Variants in CMKLR1 observed in about 807,000 individuals in gnomAD.
CMKLR1 encodes the protein chemerin-like receptor 1.
CMKLR1 carries 6 observed loss-of-function variants against 8.2 expected under a neutral mutation model. The ratio of observed to expected loss-of-function variants is 0.73; its 90% CI spans 0.40 to 1.44. CMKLR1 has a LOEUF of 1.44. Ranked by LOEUF, CMKLR1 falls within the 40% of genes most tolerant of loss-of-function variation. CMKLR1 has a pLI of 0.02. For missense variants in CMKLR1, 429 were observed against 478.0 expected, an observed-to-expected ratio of 0.90 and a Z score of 0.96; for synonymous variants, 178 against 181.2, an observed-to-expected ratio of 0.98 and a Z score of 0.14.
intron 2 of CMKLR1, among the ~76,000 whole-genome samples, chr12:108,312,501 C>G (rs1265544625): frequency 6.6e-6 from 1 of 152,174 alleles, no homozygotes; most frequent in African/African-American, 2.4e-5. Flanking sequence ...GTCTGGGGCT[C>G]ATGGAATCCA....
Position 108,329,557 on chromosome 12 carries a change from T to C in CMKLR1, c.-74+438A>G, listed in dbSNP as rs1892056446. ...TCAAGCAGGCATAAGTGGGAGGGTA[T>C]TTAACAATAAGCACTTGGTAAAAAT... On this transcript the variant is annotated intron_variant, in intron 2 of 3. Transcript: ENST00000550402. Among the ~76,000 whole-genome samples, 4 of 152,222 alleles carry C rather than the reference T, an allele frequency of 2.6e-5. No individual in the cohort carries two copies. The South Asian group carries it at 8.3e-4, about 32-fold the overall frequency.
At chr12:108,294,578 A>C (rs1441996605) in intron 2 of CMKLR1, among the ~76,000 whole-genome samples, 1 of 152,232 alleles carries the variant, frequency 6.6e-6, no homozygotes, top group Non-Finnish European at 1.5e-5. Flanking sequence ...CTCACCTCAC[A>C]GAGTGTATAT....
In CMKLR1 at chr12:108,291,916, G is replaced by T. The variant is rs933026249; in HGVS notation, c.1047C>A (p.Ser349Arg). 6.2e-7 allele frequency: 1 copy of T among 1,614,174 alleles called. No homozygotes were observed. The highest frequency in any genetic ancestry group is 1.7e-5 in the Admixed American group (1 of 60,028). The change falls in exon 4 of 4, where the codon AGC becomes AGA. Residue 349 changes from serine to arginine, a missense_variant. Ser to Arg is a moderately radical substitution (Grantham distance 110, BLOSUM62 -1). Coordinates refer to ENST00000550402, the MANE Select transcript of CMKLR1 (RefSeq NM_001142343.2). ...ATGACATCTTGGTAAAGCTTCTATG[G>T]CTGGGGTAGGAAGAGTGGCCTGTAT... ...SEDTGHSSYP[S>R]HRSFTKMSSM... is the part of the protein sequence containing the mutation.
intron 2 of CMKLR1, among the ~76,000 whole-genome samples, chr12:108,303,687 C>T (rs1302264818): frequency 6.6e-6 from 1 of 152,178 alleles, no homozygotes; most frequent in Non-Finnish European, 1.5e-5. Flanking sequence ...AGTGGAACCT[C>T]CCAAGGGCCC....
At chr12:108,294,900 T>G (rs924219101) in intron 2 of CMKLR1, among the ~76,000 whole-genome samples, 5 of 152,220 alleles carry the variant, frequency 3.3e-5, no homozygotes, top group African/African-American at 1.2e-4. Context: ...GGTTATATTT[T>G]ATTACATAAA....
At chr12:108,300,382 C>G in intron 2 of CMKLR1, among the ~76,000 whole-genome samples, 1 of 152,184 alleles carries the variant, frequency 6.6e-6, no homozygotes, top group Non-Finnish European at 1.5e-5. Flanking sequence ...AAAAGTAGTA[C>G]AGAGAAGTTC....
At chr12:108,323,784 T>C (rs115932332) in intron 2 of CMKLR1, among the ~76,000 whole-genome samples, 1,883 of 152,324 alleles carry the variant, frequency 0.012, 39 homozygotes, top group African/African-American at 0.042. Flanking sequence ...ATATCCAATC[T>C]AGCGCCTCAG....
At chr12:108,304,011 A>G (rs1187563184) in intron 2 of CMKLR1, among the ~76,000 whole-genome samples, 2 of 152,200 alleles carry the variant, frequency 1.3e-5, no homozygotes, top group Non-Finnish European at 2.9e-5. Flanking sequence ...GGTCACTGGT[A>G]TCAGTCCCAC....
At chr12:108,338,931 A>G (rs978674212) in intron 1 of CMKLR1, 96 bp downstream of exon 1, 6 of 152,218 alleles carry the variant, frequency 3.9e-5, no homozygotes, top group African/African-American at 1.4e-4. Context: ...AACAAATATG[A>G]AATTATAAAA....
At chr12:108,337,988 G>T (rs533935034) in intron 1 of CMKLR1, among the ~76,000 whole-genome samples, 41 of 152,160 alleles carry the variant, frequency 2.7e-4, no homozygotes, top group African/African-American at 7.5e-4. Flanking sequence ...GGGAAGTTGA[G>T]GGCTTTCCCT....
chr12:108,321,512 T>A (rs1207453282), intron 2 of CMKLR1, among the ~76,000 whole-genome samples: 1 of 151,980 alleles, frequency 6.6e-6, no homozygotes, highest in Non-Finnish European at 1.5e-5. Context: ...AAAGATGGGA[T>A]CCCATCCTGC....
At chr12:108,306,382 C>T (rs576290419) in intron 2 of CMKLR1, among the ~76,000 whole-genome samples, 6 of 142,792 alleles carry the variant, frequency 4.2e-5, no homozygotes, top group South Asian at 2.3e-4. Flanking sequence ...ACTAAGTTCT[C>T]GTTAATCACC....
At chr12:108,334,771 T>C (rs1333071981) in intron 1 of CMKLR1, among the ~76,000 whole-genome samples, 3 of 152,228 alleles carry the variant, frequency 2.0e-5, no homozygotes, top group Non-Finnish European at 4.4e-5. Flanking sequence ...CAAGTCCCTT[T>C]AGCTCTCTGA....
intron 2 of CMKLR1, among the ~76,000 whole-genome samples, chr12:108,318,577 T>A (rs1281962336): frequency 1.3e-5 from 2 of 152,118 alleles, no homozygotes; most frequent in Admixed American, 1.3e-4. Flanking sequence ...GTATCCACAG[T>A]GTGAGGGAGA....
intron 2 of CMKLR1, among the ~76,000 whole-genome samples, chr12:108,310,744 C>G (rs1198309474): frequency 6.6e-6 from 1 of 152,160 alleles, no homozygotes; most frequent in Non-Finnish European, 1.5e-5. Flanking sequence ...CCATCTTCCC[C>G]CGGAGTCCAT....
chr12:108,311,856 G>C (rs955919709), intron 2 of CMKLR1, among the ~76,000 whole-genome samples: 1 of 152,300 alleles, frequency 6.6e-6, no homozygotes, highest in African/African-American at 2.4e-5. Context: ...CTGCTGGGGG[G>C]ACCTCAGAGG....
chr12:108,308,171 G>A (rs1168785744), intron 2 of CMKLR1, among the ~76,000 whole-genome samples: 2 of 152,120 alleles, frequency 1.3e-5, no homozygotes, highest in Non-Finnish European at 2.9e-5. Flanking sequence ...CCTCATAGAG[G>A]TTACTTACCT....
chr12:108,288,632 G>T lies in CMKLR1; in HGVS notation c.*3209C>A, dbSNP rs993897948. Reference sequence around the variant, plus strand: ...CTGTGCGCTCTGGGAATTATCTAAGGCTGGCAAAGGCATCCCGGTGCTTGA... The same window carrying T: ...CTGTGCGCTCTGGGAATTATCTAAGTCTGGCAAAGGCATCCCGGTGCTTGA... On this transcript the variant is annotated 3_prime_UTR_variant, in exon 4 of 4. Transcript: ENST00000550402. 1.3e-5 allele frequency: 2 copies of T among 152,266 alleles called. No homozygotes were observed. The highest frequency in any genetic ancestry group is 2.9e-5 in the Non-Finnish European group (2 of 68,118). 9.4% of individuals were successfully genotyped at this position (152,266 alleles called of 1,614,324 possible).
rs946791327 is a variant in CMKLR1, at chr12:108,288,493, A to C, written c.*3348T>G. On this transcript the variant is annotated 3_prime_UTR_variant, in exon 4 of 4. Coordinates refer to ENST00000550402, the MANE Select transcript of CMKLR1 (RefSeq NM_001142343.2). ...CCACCAGAGCTGACTCTGGGGTCGA[A>C]TTTGAGCCAATCCCCTCCCTTTGTC... is the stretch of plus-strand genomic sequence containing the variant. The C allele has an allele frequency of 6.6e-6, 1 of 152,260 alleles. No individual in the cohort carries two copies. The highest frequency in any genetic ancestry group is 1.5e-5 in the Non-Finnish European group (1 of 68,104). 9.4% of individuals were successfully genotyped at this position (152,260 alleles called of 1,614,324 possible). A position where few individuals can be genotyped will look rare whatever the true frequency, so the allele number is the denominator to read the frequency against.
Sources: gnomAD v4.1 joint callset for allele counts (sites outside exome capture counted in the v4.1 genomes callset) on GRCh38, gnomAD v4.1.1 for gene constraint, MANE v1.5 for transcripts, NCBI Gene and HGNC (gene_info 2026-07-23, HGNC 2026-07-21) for gene names.